Variants in KLHL29 observed in about 807,000 individuals in gnomAD.
The protein encoded by KLHL29 is kelch like family member 29.
KLHL29 carries 21 observed loss-of-function variants against 80.4 expected under a neutral mutation model. The ratio of observed to expected loss-of-function variants is 0.26; its 90% CI spans 0.19 to 0.38. The LOEUF (loss-of-function observed/expected upper bound fraction) is 0.38. Among genes scored for constraint, KLHL29 ranks in the 10% least tolerant of loss-of-function variants. The probability of loss-of-function intolerance (pLI) is 1.00; values close to 1 mark genes in which losing one functional copy is unlikely to be tolerated. For synonymous variants in KLHL29, 511 were observed against 526.8 expected (o/e 0.97, Z 0.41); for missense variants, 867 against 1,223.9 (o/e 0.71, Z 4.35).
intron 2 of KLHL29, among the ~76,000 whole-genome samples, chr2:23,554,235 T>C (rs1327283970): frequency 6.6e-6 from 1 of 152,264 alleles, no homozygotes; most frequent in African/African-American, 2.4e-5. Context: ...GGCTGCTGTT[T>C]AGTATTTTGC....
At chr2:23,486,077 G>A (rs539093250) in intron 2 of KLHL29, among the ~76,000 whole-genome samples, 6 of 152,230 alleles carry the variant, frequency 3.9e-5, no homozygotes, top group Admixed American at 6.5e-5. Context: ...GCATCCAGTC[G>A]TAGGGGATGT....
At chr2:23,654,224 C>A (rs918582943) in intron 5 of KLHL29, among the ~76,000 whole-genome samples, 1 of 151,992 alleles carries the variant, frequency 6.6e-6, no homozygotes, top group Non-Finnish European at 1.5e-5. Context: ...GGAGCCTGAA[C>A]ACCTAGTCAG....
At chr2:23,704,741 T>A (rs1201001751) in intron 13 of KLHL29, among the ~76,000 whole-genome samples, 2 of 152,144 alleles carry the variant, frequency 1.3e-5, no homozygotes, top group African/African-American at 4.8e-5. Context: ...CACTCCAGCC[T>A]GGGTGACAGG....
chr2:23,586,720 T>G (rs982391046), intron 3 of KLHL29, among the ~76,000 whole-genome samples: 1 of 152,158 alleles, frequency 6.6e-6, no homozygotes, highest in South Asian at 2.1e-4. Flanking sequence ...ATTTAGCTGA[T>G]GTTGGGGAGG....
chr2:23,457,315 G>C lies in KLHL29; in HGVS notation c.-153-18245G>C, dbSNP rs1048536382. ...TTGGAGTCTGGAATGACTAAGGCAG[G>C]CCTTTCCTGTGAGAAGTGGTGGCTT... On this transcript the variant is annotated intron_variant, in intron 1 of 13. Transcript: ENST00000486442. The surrounding 1 kb of genome is among the most constrained non-coding windows in gnomAD (Gnocchi z 4.3). 1.3e-5 allele frequency among the ~76,000 whole-genome samples: 2 copies of C among 152,238 alleles called. No individual in the cohort carries two copies. The highest frequency in any genetic ancestry group is 2.9e-5 in the Non-Finnish European group (2 of 68,040).
intron 1 of KLHL29, among the ~76,000 whole-genome samples, chr2:23,448,066 C>T (rs1016215916): frequency 3.9e-5 from 6 of 151,954 alleles, no homozygotes; most frequent in African/African-American, 1.5e-4. Context: ...GTATATGAGG[C>T]CCAAGACTTT....
chr2:23,558,845 A>G (rs1186747787), intron 2 of KLHL29, among the ~76,000 whole-genome samples: 1 of 152,266 alleles, frequency 6.6e-6, no homozygotes, highest in Non-Finnish European at 1.5e-5. Context: ...AGAAAAAACA[A>G]GCATTAGTTT....
chr2:23,584,243 T>C (rs745896060), intron 3 of KLHL29, among the ~76,000 whole-genome samples: 7 of 152,210 alleles, frequency 4.6e-5, no homozygotes, highest in Non-Finnish European at 1.0e-4. Flanking sequence ...GCCCACTGTT[T>C]ACCCAGCTGT....
chr2:23,401,196 AC>A (rs1428699450), intron 1 of KLHL29, among the ~76,000 whole-genome samples: 7 of 152,146 alleles, frequency 4.6e-5, no homozygotes, highest in Non-Finnish European at 8.8e-5. Context: ...TACAGTAGAG[AC>A]CTGTGGAGAC....
chr2:23,650,456 T>G (rs959696993), intron 5 of KLHL29, among the ~76,000 whole-genome samples: 1 of 152,174 alleles, frequency 6.6e-6, no homozygotes, highest in Non-Finnish European at 1.5e-5. Flanking sequence ...TCCCTCTCTC[T>G]CAATGCTTGG....
chr2:23,423,086 G>A (rs1012021745), intron 1 of KLHL29, among the ~76,000 whole-genome samples: 8 of 152,344 alleles, frequency 5.3e-5, no homozygotes, highest in Middle Eastern at 6.8e-3. Flanking sequence ...CCGTGGCGGG[G>A]AGCCGCAGGC....
In KLHL29 at chr2:23,517,360, T is replaced by C. The variant is rs1665968223; in HGVS notation, c.-46+41693T>C. On this transcript the variant is annotated intron_variant, in intron 2 of 13. Transcript: ENST00000486442. ...GAAATCGAGACCATCCTGGCCAACA[T>C]GGTGAAACGCCGTCTCTACTAAAAA... 1.3e-5 allele frequency among the ~76,000 whole-genome samples: 2 copies of C among 152,124 alleles called. 1 individual carries two copies. The highest frequency in any genetic ancestry group is 4.1e-4 in the South Asian group (2 of 4,826).
intron 5 of KLHL29, among the ~76,000 whole-genome samples, chr2:23,683,667 G>C (rs1671154315): frequency 6.6e-6 from 1 of 152,196 alleles, no homozygotes; most frequent in Non-Finnish European, 1.5e-5. Flanking sequence ...CCACTTCCTG[G>C]GATCTGCCGG....
intron 4 of KLHL29, among the ~76,000 whole-genome samples, chr2:23,641,698 C>G (rs1669773034): frequency 6.6e-6 from 1 of 152,184 alleles, no homozygotes; most frequent in African/African-American, 2.4e-5. Context: ...TAAGGACTTG[C>G]TGAGGTCAGG....
chr2:23,702,347 A>G (rs887255169), intron 11 of KLHL29, among the ~76,000 whole-genome samples: 7 of 152,248 alleles, frequency 4.6e-5, no homozygotes, highest in African/African-American at 1.7e-4. Flanking sequence ...AAAGCATCTA[A>G]CACAAAGCCT....
intron 1 of KLHL29, among the ~76,000 whole-genome samples, chr2:23,390,424 A>G (rs1471427595): frequency 6.6e-6 from 1 of 152,162 alleles, no homozygotes; most frequent in Non-Finnish European, 1.5e-5. Context: ...GGCCATTTAC[A>G]GGCTGCCATT....
chr2:23,502,386 C>T (rs571576562), intron 2 of KLHL29, among the ~76,000 whole-genome samples: 9 of 152,172 alleles, frequency 5.9e-5, no homozygotes, highest in Non-Finnish European at 1.2e-4. Flanking sequence ...CCGTGCAGCT[C>T]GGAGGCTCAC....
At chr2:23,412,126 G>C (rs779744406) in intron 1 of KLHL29, among the ~76,000 whole-genome samples, 41,671 of 130,906 alleles carry the variant, frequency 0.32, 7,377 homozygotes, top group South Asian at 0.38. Context: ...GCGTGAAGGG[G>C]GGGGGGGGGC....
chr2:23,665,807 A>G (rs2149172609), intron 5 of KLHL29, among the ~76,000 whole-genome samples: 1 of 152,290 alleles, frequency 6.6e-6, no homozygotes, highest in East Asian at 1.9e-4. Flanking sequence ...TGACCGTGAG[A>G]GCTGCACCAA....
Sources: allele counts gnomAD v4.1 joint callset (sites outside exome capture counted in the v4.1 genomes callset), GRCh38; gene constraint gnomAD v4.1.1; non-coding constraint Gnocchi (gnomAD v3.1); transcripts MANE v1.5; gene names NCBI Gene and HGNC (gene_info 2026-07-23, HGNC 2026-07-21).